DPYD: variants seen among roughly 807,000 people sequenced by gnomAD.
DPYD encodes dihydropyrimidine dehydrogenase, also known as dihydropyrimidine dehydrogenase [NADP(+)].
Under a neutral mutation model 116.2 loss-of-function variants are expected in DPYD, and 109 were observed. The ratio of observed to expected loss-of-function variants is 0.94; its 90% CI spans 0.80 to 1.10. The LOEUF is 1.10. DPYD is among the 50% of genes least tolerant of loss of function. The probability of loss-of-function intolerance (pLI) is 0.00; values close to 1 mark genes in which losing one functional copy is unlikely to be tolerated. For synonymous variants in DPYD, 440 were observed against 432.0 expected (o/e 1.02, Z -0.23); for missense variants, 1,302 against 1,254.5 (o/e 1.04, Z -0.57).
chr1:97,323,415 C>CGTATGTATACATATGTGTATATGTACAT (rs1668466944), intron 16 of DPYD, among the ~76,000 whole-genome samples: 1 of 85,864 alleles, frequency 1.2e-5, no homozygotes, highest in South Asian at 3.0e-4. Flanking sequence ...TATATGTACA[C>CGTATGTATACATATGTGTATATGTACAT]GTATATATAC....
intron 8 of DPYD, among the ~76,000 whole-genome samples, chr1:97,622,414 C>T (rs960940449): frequency 2.6e-5 from 4 of 151,908 alleles, no homozygotes; most frequent in Non-Finnish European, 4.4e-5. Context: ...GTAATCCTCA[C>T]AGCTGTCAAG....
chr1:97,854,413 TG>T (rs934462347), intron 2 of DPYD, among the ~76,000 whole-genome samples: 5 of 152,212 alleles, frequency 3.3e-5, no homozygotes, highest in African/African-American at 1.2e-4. Flanking sequence ...AATACATTTA[TG>T]TAATACATGG....
intron 12 of DPYD, among the ~76,000 whole-genome samples, chr1:97,523,516 T>C (rs1308946194): frequency 1.3e-5 from 2 of 152,104 alleles, no homozygotes; most frequent in East Asian, 1.9e-4. Flanking sequence ...CTTTACTACA[T>C]ACAGAATAAA....
chr1:97,767,372 AGG>A (rs1665920623), intron 3 of DPYD, among the ~76,000 whole-genome samples: 1 of 152,120 alleles, frequency 6.6e-6, no homozygotes, highest in Non-Finnish European at 1.5e-5. Flanking sequence ...TTCTTATCAA[AGG>A]GTAGGCTTTT....
chr1:97,594,543 C>A (rs1654745622), intron 9 of DPYD, among the ~76,000 whole-genome samples: 1 of 152,120 alleles, frequency 6.6e-6, no homozygotes, highest in Admixed American at 6.5e-5. Context: ...TAAAATATTA[C>A]AATTTTCCCC....
At chr1:97,781,957 C>T (rs1408173204) in intron 3 of DPYD, among the ~76,000 whole-genome samples, 1 of 152,150 alleles carries the variant, frequency 6.6e-6, no homozygotes, top group Admixed American at 6.6e-5. Context: ...CACACAGAAA[C>T]AGGATATGGT....
At chr1:97,778,567 CAA>C (rs769068691) in intron 3 of DPYD, among the ~76,000 whole-genome samples, 9 of 152,190 alleles carry the variant, frequency 5.9e-5, no homozygotes, top group Admixed American at 1.3e-4. Context: ...CTACCAAAGT[CAA>C]AGTTATAACT....
chr1:97,528,592 C>T (rs985473933), intron 12 of DPYD, among the ~76,000 whole-genome samples: 43 of 151,990 alleles, frequency 2.8e-4, no homozygotes, highest in African/African-American at 9.2e-4. Flanking sequence ...AAAACTCCTC[C>T]TCCTTCAACA....
intron 19 of DPYD, among the ~76,000 whole-genome samples, chr1:97,228,242 A>G (rs188589486): frequency 1.6e-4 from 24 of 152,124 alleles, no homozygotes; most frequent in Admixed American, 1.6e-3. Context: ...AAATGAATGA[A>G]TGAATTATTC....
At chr1:97,437,487 T>C (rs1675532511) in intron 14 of DPYD, among the ~76,000 whole-genome samples, 1 of 151,942 alleles carries the variant, frequency 6.6e-6, no homozygotes, top group African/African-American at 2.4e-5. Flanking sequence ...TTTGTTGTTG[T>C]TGTTGTTACA....
At chr1:97,832,995 G>GAAA (rs1161903108) in intron 2 of DPYD, among the ~76,000 whole-genome samples, 1 of 59,006 alleles carries the variant, frequency 1.7e-5, no homozygotes, top group Non-Finnish European at 3.7e-5. Context: ...AAGAGGCAAA[G>GAAA]AAAAAAAAAA....
At chr1:97,518,338 T>C (rs909198482) in intron 12 of DPYD, among the ~76,000 whole-genome samples, 1 of 152,122 alleles carries the variant, frequency 6.6e-6, no homozygotes, top group East Asian at 1.9e-4. Context: ...TTTCATACTG[T>C]GCAACACAGG....
chr1:97,673,056 C>T (rs1021058295), intron 8 of DPYD, among the ~76,000 whole-genome samples: 8 of 151,856 alleles, frequency 5.3e-5, no homozygotes, highest in African/African-American at 1.7e-4. Context: ...TAGACAGAGT[C>T]ATGTTGGCTT....
chr1:97,361,518 C>T (rs1670724440), intron 16 of DPYD, among the ~76,000 whole-genome samples: 1 of 152,134 alleles, frequency 6.6e-6, no homozygotes, highest in South Asian at 2.1e-4. Flanking sequence ...GAATTTTAGA[C>T]CAAAAACCCT....
At chr1:97,173,317 CAT>C (rs1369917634) in intron 20 of DPYD, among the ~76,000 whole-genome samples, 14 of 142,778 alleles carry the variant, frequency 9.8e-5, no homozygotes, top group African/African-American at 3.8e-4. Context: ...TATATGCACA[CAT>C]ATATACACAT....
intron 6 of DPYD, among the ~76,000 whole-genome samples, chr1:97,695,183 T>C (rs1661227009): frequency 6.6e-6 from 1 of 152,106 alleles, no homozygotes; most frequent in Admixed American, 6.5e-5. Context: ...ATTCTGTCAT[T>C]TTGTATGATC....
intron 2 of DPYD, among the ~76,000 whole-genome samples, chr1:97,866,135 A>C (rs1671361714): frequency 6.6e-6 from 1 of 151,986 alleles, no homozygotes; most frequent in African/African-American, 2.4e-5. Flanking sequence ...CTCAAAAACT[A>C]ATTCCAAAAG....
At chr1:97,850,177 T>G (rs1670502020) in intron 2 of DPYD, among the ~76,000 whole-genome samples, 1 of 152,176 alleles carries the variant, frequency 6.6e-6, no homozygotes, top group African/African-American at 2.4e-5. Flanking sequence ...TTTCTCAAGT[T>G]ATAAGGGAAT....
At chr1:97,876,775 G>C (rs973261126) in intron 2 of DPYD, among the ~76,000 whole-genome samples, 2 of 151,982 alleles carry the variant, frequency 1.3e-5, no homozygotes, top group African/African-American at 4.8e-5. Context: ...GTTTCTTTTG[G>C]ACTTAGAATT....
Sources: allele counts gnomAD v4.1 joint callset (sites outside exome capture counted in the v4.1 genomes callset), GRCh38; gene constraint gnomAD v4.1.1; transcripts MANE v1.5; gene names NCBI Gene and HGNC (gene_info 2026-07-23, HGNC 2026-07-21).